PSD: variants seen among roughly 807,000 people sequenced by gnomAD.
The protein encoded by PSD is pleckstrin and Sec7 domain containing.
In PSD, 32 loss-of-function variants were observed where a neutral mutation model predicts 91.6. The observed-to-expected ratio is 0.35, with a 90% CI of 0.26 to 0.47. PSD has a LOEUF of 0.47. Ranked by LOEUF, PSD falls within the 20% of genes least tolerant of loss-of-function variation. The pLI, the probability that PSD is intolerant of heterozygous loss-of-function variation, is 1.00. For synonymous variants in PSD, 532 were observed against 569.3 expected, an observed-to-expected ratio of 0.93 and a Z score of 0.93; for missense variants, 1,099 against 1,373.9, an observed-to-expected ratio of 0.80 and a Z score of 3.16.
In PSD at chr10:102,410,228, C is replaced by CCACT. The variant is rs2061411233; in HGVS notation, c.2091+626_2091+629dup. 6.6e-6 allele frequency among the ~76,000 whole-genome samples: 1 copy of CCACT among 152,174 alleles called. No homozygotes were observed. Among genetic ancestry groups the CCACT allele is most frequent in the African/African-American group, 2.4e-5 (1 of 41,414 alleles). ...GAGAGGAGTGAACCCACTGGATGAGCCACTCCCTTCTCCTACCGGCACCAG... is the reference window on the plus strand; with the variant it reads ...GAGAGGAGTGAACCCACTGGATGAGCCACTCACTCCCTTCTCCTACCGGCACCAG... On this transcript the variant is annotated intron_variant, in intron 10 of 16. Transcript: ENST00000020673. This position sits in a 1 kb window ranked among gnomAD's most constrained non-coding sequence, Gnocchi z 6.0.
Position 102,411,746 on chromosome 10 carries a change from G to C in PSD, c.1903C>G (p.Arg635Gly), listed in dbSNP as rs746336804. 1 of 1,613,750 alleles carries C rather than the reference G, an allele frequency of 6.2e-7. No homozygotes were observed. The highest frequency in any genetic ancestry group is 1.1e-5 in the South Asian group (1 of 90,992). The change falls in exon 8 of 17, where the codon CGA becomes GGA. Residue 635 changes from arginine to glycine, a missense_variant. By Grantham distance (125) the Arg-to-Gly change is moderately radical. Coordinates refer to ENST00000020673, the MANE Select transcript of PSD (RefSeq NM_002779.5). ...RERVLAHFSQRYFQCNPEALS... is the reference protein window; with the variant it reads ...RERVLAHFSQGYFQCNPEALS... ...GCTTCAGGATTGCACTGGAAGTATC[G>C]CTGGGAGAAGTGGGCCAGCACGCGC...
In PSD at chr10:102,412,171, C is replaced by A; in HGVS notation, c.1805G>T (p.Gly602Val). ...GEYLKFFVFT[G>V]MTLDQALRVF... ...CCTGAGAGCTTGGTCCAGAGTCATG[C>A]CCGTGAAGACAAAGAACTTGAGGTA... The change falls in exon 7 of 17, where the codon GGC becomes GTC. Residue 602 changes from glycine to valine, a missense_variant. This residue lies in a region of PSD where 110 missense variants were observed against 218.7 expected (regional missense o/e 0.50). Coordinates refer to ENST00000020673, the MANE Select transcript of PSD (RefSeq NM_002779.5). The A allele has an allele frequency of 6.2e-7, 1 of 1,614,142 alleles. No homozygotes were observed. The highest frequency in any genetic ancestry group is 8.5e-7 in the Non-Finnish European group (1 of 1,180,008).
rs2061398492 is a variant in PSD at position 102,409,147 on chromosome 10, C to T, written c.2091+1711G>A. On this transcript the variant is annotated intron_variant, in intron 10 of 16. Transcript: ENST00000020673. This position sits in a 1 kb window ranked among gnomAD's most constrained non-coding sequence, Gnocchi z 5.7. The stretch of plus-strand genomic sequence containing the variant: ...GGCCATGCCCCCGTCCGCCCTCGGC[C>T]CCCGGGCCGCCCGGACGGCCCGCGG... 1.0e-6 allele frequency: 1 copy of T among 980,690 alleles called. No individual in the cohort carries two copies. Among genetic ancestry groups the T allele is most frequent in the Non-Finnish European group, 1.2e-6 (1 of 828,232 alleles). The allele number at this position is 980,690 out of a possible 1,614,324, so 60.7% of individuals were successfully genotyped here. A position where few individuals can be genotyped will look rare whatever the true frequency, so the allele number is the denominator to read the frequency against.
chr10:102,412,033 G>A, intron 7 of PSD, 114 bp downstream of exon 7: 5 of 1,221,982 alleles, frequency 4.1e-6, no homozygotes, highest in South Asian at 2.4e-5. Flanking sequence ...GCCATCTTGG[G>A]AAGGGTGATG....
Position 102,416,574 on chromosome 10 carries a change from T to G in PSD, c.465A>C (p.Thr155=), listed in dbSNP as rs1460413709. ...CTCCTCTGGCGGGGAGTGGGTCTGA[T>G]GTGGATGCTTCCAGCCGTAACTTCC... ...SNRKLRLEAS[T]SDPLPARGGS... is the part of the protein sequence containing the mutation. Residue 155 remains threonine, a synonymous_variant, in exon 2 of 17, where the codon ACA becomes ACC. Coordinates refer to ENST00000020673, the MANE Select transcript of PSD (RefSeq NM_002779.5). This position sits in a 1 kb window ranked among gnomAD's most constrained non-coding sequence, Gnocchi z 6.0. 4 of 1,598,132 alleles carry G rather than the reference T, an allele frequency of 2.5e-6. No homozygotes were observed. In the Admixed American group the frequency reaches 6.9e-5, roughly 27 times the overall value.
At chr10:102,415,741 GC>G (rs1412019987) in intron 3 of PSD, among the ~76,000 whole-genome samples, 1 of 152,194 alleles carries the variant, frequency 6.6e-6, no homozygotes, top group Admixed American at 6.5e-5. Flanking sequence ...GGGCCACTGA[GC>G]CCTGCTGAGC....
At chr10:102,417,861 A>G (rs2061500884) in intron 1 of PSD, among the ~76,000 whole-genome samples, 1 of 152,024 alleles carries the variant, frequency 6.6e-6, no homozygotes, top group South Asian at 2.1e-4. Flanking sequence ...GGCGCTCAGC[A>G]CTATGCCTGG....
Position 102,412,522 on chromosome 10 carries a change from G to A in PSD, c.1607C>T (p.Thr536Ile), listed in dbSNP as rs747357860. Residue 536 changes from threonine to isoleucine, a missense_variant, in exon 6 of 17, where the codon ACA becomes ATA. Thr to Ile is a moderately conservative substitution (Grantham distance 89). Transcript: ENST00000020673. ...VSDSDSELDS[T>I]ERLALGSTDT... is the part of the protein sequence containing the mutation. ...TGTGCTTCCCAGGGCCAGCCGCTCT[G>A]TGCTGTCCAGCTCTGAGTCTGAGTC... 3.1e-6 allele frequency: 5 copies of A among 1,613,862 alleles called. No individual in the cohort carries two copies. The highest frequency in any genetic ancestry group is 2.2e-5 in the East Asian group (1 of 44,890).
At position 102,409,280 on chromosome 10, in the gene PSD, G is replaced by C; in HGVS notation, c.2091+1578C>G. 2.0e-6 allele frequency: 2 copies of C among 985,612 alleles called. No homozygotes were observed. Among genetic ancestry groups the C allele is most frequent in the Non-Finnish European group, 2.4e-6 (2 of 829,810 alleles). 61.1% of individuals were successfully genotyped at this position (985,612 alleles called of 1,614,324 possible). On this transcript the variant is annotated intron_variant, in intron 10 of 16. Transcript: ENST00000020673. The surrounding 1 kb of genome is among the most constrained non-coding windows in gnomAD (Gnocchi z 5.7). ...GCGGCGGCGGCGCTGTCTGCTCTGC[G>C]GCTTGGCTAGAGCGGGAGGGGGGCG...
chr10:102,415,215 C>G lies in PSD; in HGVS notation c.772G>C (p.Glu258Gln), dbSNP rs1156764351. 6.2e-7 allele frequency: 1 copy of G among 1,609,496 alleles called. No homozygotes were observed. The highest frequency in any genetic ancestry group is 2.2e-5 in the East Asian group (1 of 44,790). Residue 258 changes from glutamate (E) to glutamine (Q), a missense_variant, in exon 4 of 17, where the codon GAG (glutamate) becomes CAG (glutamine). This residue lies in a region of PSD where 631 missense variants were observed against 728.8 expected (regional missense o/e 0.87). Coordinates refer to ENST00000020673, the MANE Select transcript of PSD (RefSeq NM_002779.5). ...DPPSSGAKPP[E>Q]QAPPSPPGVG... is the part of the protein sequence containing the mutation. ...CCAGGTGGAGATGGGGGGGCCTGCT[C>G]TGGGGGCTTAGCACCTGTAGTGTGC...
chr10:102,417,565 T>C (rs937285671), intron 1 of PSD, among the ~76,000 whole-genome samples: 5 of 152,006 alleles, frequency 3.3e-5, no homozygotes, highest in African/African-American at 9.7e-5. Context: ...AACTCAGGCC[T>C]CCTGGAAGGA....
rs375934303 is a variant in PSD at position 102,403,305 on chromosome 10, A to G, written c.2970T>C (p.Ser990=). Residue 990 remains serine (S), a synonymous_variant, in exon 17 of 17, where the codon TCT becomes TCC. Transcript: ENST00000020673. The surrounding 1 kb of genome is among the most constrained non-coding windows in gnomAD (Gnocchi z 6.7). Reference sequence around the variant, plus strand: ...TGGGCTGCAGGGAGGGACTGGAGTGAGAAGGAGGGAGTCCATCCTCTGTGC... The same window carrying G: ...TGGGCTGCAGGGAGGGACTGGAGTGGGAAGGAGGGAGTCCATCCTCTGTGC... ...AGSTEDGLPP[S]HSSPSLQPKP... 1 of 1,613,898 alleles carries G rather than the reference A, an allele frequency of 6.2e-7. No homozygotes were observed.
rs1247197761 is a variant in PSD, at chr10:102,404,310, G to A, written c.2700+273C>T. Among the ~76,000 whole-genome samples the A allele has an allele frequency of 6.6e-6, 1 of 150,548 alleles. No individual in the cohort carries two copies. Among genetic ancestry groups the A allele is most frequent in the Non-Finnish European group, 1.5e-5 (1 of 67,776 alleles). On this transcript the variant is annotated intron_variant, in intron 15 of 16. Coordinates refer to ENST00000020673, the MANE Select transcript of PSD (RefSeq NM_002779.5). This position sits in a 1 kb window ranked among gnomAD's most constrained non-coding sequence, Gnocchi z 5.7. ...TTGCAGTGAGCTGAGATCGTGCCAC[G>A]GCACTCCCACCTGGGCAACAGAGCG...
rs760644877 is a variant in PSD, at chr10:102,404,698, G to A, written c.2585C>T (p.Thr862Ile). ...PSLEQMQSWI[T>I]RINVVAAMFS... The stretch of plus-strand genomic sequence containing the variant: ...CATAGCGGCTACTACATTGATGCGA[G>A]TGATCCAGGACTGCATCTGCTCCAG... The change falls in exon 15 of 17, where the codon ACT (threonine) becomes ATT (isoleucine). Residue 862 changes from threonine to isoleucine, a missense_variant. Around this residue, in one of 3 missense-constraint regions of PSD, gnomAD observed 358 missense variants for 426.5 expected, o/e 0.84. Transcript: ENST00000020673. The surrounding 1 kb of genome is among the most constrained non-coding windows in gnomAD (Gnocchi z 5.7). 6.3e-7 allele frequency: 1 copy of A among 1,598,552 alleles called. No homozygotes were observed. The highest frequency in any genetic ancestry group is 1.7e-5 in the Admixed American group (1 of 58,976).
At chr10:102,412,086 C>T (rs1362620056) in intron 7 of PSD, 61 bp downstream of exon 7, 29 of 1,534,252 alleles carry the variant, frequency 1.9e-5, no homozygotes, top group Non-Finnish European at 2.5e-5. Flanking sequence ...AAGGAGGCAT[C>T]CTGGGGCCCT....
At position 102,413,953 on chromosome 10, in the gene PSD, C is replaced by T. The variant is rs774777615; in HGVS notation, c.1369G>A (p.Ala457Thr). 57 of 1,593,622 alleles carry T rather than the reference C, an allele frequency of 3.6e-5. No individual in the cohort carries two copies. The highest frequency in any genetic ancestry group is 4.6e-5 in the Non-Finnish European group (54 of 1,169,936). ...QPPAPRPDPP[A>T]PAPLAPLEPD... ...TCAAGAGGGGCAAGTGGGGCGGGAGCTGGTGGGTCGGGCCGGGGTGCAGGG... is the reference window on the plus strand; with the variant it reads ...TCAAGAGGGGCAAGTGGGGCGGGAGTTGGTGGGTCGGGCCGGGGTGCAGGG... Residue 457 changes from alanine (A) to threonine (T), a missense_variant, in exon 5 of 17, where the codon GCT (alanine) becomes ACT (threonine). By Grantham distance (58) the Ala-to-Thr change is moderately conservative. This residue lies in a region of PSD where 631 missense variants were observed against 728.8 expected (regional missense o/e 0.87). Transcript: ENST00000020673.
In PSD at chr10:102,416,073, C is replaced by G. The variant is rs781167022; in HGVS notation, c.701G>C (p.Arg234Thr). 2.5e-6 allele frequency: 4 copies of G among 1,613,870 alleles called. No individual in the cohort carries two copies. The highest frequency in any genetic ancestry group is 3.3e-5 in the Admixed American group (2 of 59,968). The change falls in exon 3 of 17, where the codon AGA (arginine) becomes ACA (threonine). Residue 234 changes from arginine to threonine, a missense_variant. Around this residue, in one of 3 missense-constraint regions of PSD, gnomAD observed 631 missense variants for 728.8 expected, o/e 0.87. Transcript: ENST00000020673. The surrounding 1 kb of genome is among the most constrained non-coding windows in gnomAD (Gnocchi z 6.0). ...GAATTCCCATTTGGCTCTAGCGATT[C>G]TCTGGGCATGAGAGGAGACTTCCCG... Reference protein sequence around the residue: ...SPREVSSHAQRIARAKWEFFY... With the variant: ...SPREVSSHAQTIARAKWEFFY...
chr10:102,416,075 C>T lies in PSD; in HGVS notation c.699G>A (p.Gln233=), dbSNP rs1391177323. ...ATTCCCATTTGGCTCTAGCGATTCT[C>T]TGGGCATGAGAGGAGACTTCCCGGG... ...SSPREVSSHA[Q]RIARAKWEFF... is the part of the protein sequence containing the mutation. Residue 233 remains glutamine, a synonymous_variant, in exon 3 of 17, where the codon CAG becomes CAA. Transcript: ENST00000020673. The surrounding 1 kb of genome is among the most constrained non-coding windows in gnomAD (Gnocchi z 6.0). 6.2e-7 allele frequency: 1 copy of T among 1,613,864 alleles called. No individual in the cohort carries two copies. Among genetic ancestry groups the T allele is most frequent in the African/African-American group, 1.3e-5 (1 of 74,936 alleles).
chr10:102,403,500 G>A lies in PSD; in HGVS notation c.2845-70C>T, dbSNP rs2061310863. On this transcript the variant is annotated intron_variant, in intron 16 of 16. Transcript: ENST00000020673. This position sits in a 1 kb window ranked among gnomAD's most constrained non-coding sequence, Gnocchi z 6.7. ...CTGCCCACCCCACCATCTGGACCAGGGAGGGCCGCCAGCAGGGCAGAAGAT... is the reference window on the plus strand; with the variant it reads ...CTGCCCACCCCACCATCTGGACCAGAGAGGGCCGCCAGCAGGGCAGAAGAT... 7.0e-6 allele frequency: 10 copies of A among 1,432,478 alleles called. No individual in the cohort carries two copies. The highest frequency in any genetic ancestry group is 1.9e-4 in the Middle Eastern group (1 of 5,394). The allele number at this position is 1,432,478 out of a possible 1,614,324, so 88.7% of individuals were successfully genotyped here.
Sources: allele counts gnomAD v4.1 joint callset (sites outside exome capture counted in the v4.1 genomes callset), GRCh38; gene constraint gnomAD v4.1.1; regional missense constraint gnomAD v4.1.1; non-coding constraint Gnocchi (gnomAD v3.1); transcripts MANE v1.5; gene names NCBI Gene and HGNC (gene_info 2026-07-23, HGNC 2026-07-21).